The following SLC44A5 variants were observed in gnomAD, a reference collection of about 807,000 sequenced individuals.
SLC44A5 encodes the protein choline transporter-like protein 5.
In SLC44A5, 57 loss-of-function variants were observed where a neutral mutation model predicts 101.8. That is an observed-to-expected ratio of 0.56 (90% CI 0.45 to 0.70). The LOEUF is 0.70. Ranked by LOEUF, SLC44A5 falls within the 30% of genes least tolerant of loss-of-function variation. The probability of loss-of-function intolerance (pLI) is 0.00; values close to 1 mark genes in which losing one functional copy is unlikely to be tolerated. For missense variants in SLC44A5, 737 were observed against 853.1 expected, an observed-to-expected ratio of 0.86 and a Z score of 1.70; for synonymous variants, 281 against 290.9, an observed-to-expected ratio of 0.97 and a Z score of 0.35.
At chr1:75,397,020 G>A (rs1662168720) in intron 2 of SLC44A5, among the ~76,000 whole-genome samples, 1 of 152,132 alleles carries the variant, frequency 6.6e-6, no homozygotes, top group South Asian at 2.1e-4. Flanking sequence ...CATTAGTCAT[G>A]AAAAACTTAA....
At chr1:75,263,958 C>T (rs1048014201) in intron 6 of SLC44A5, among the ~76,000 whole-genome samples, 2 of 151,966 alleles carry the variant, frequency 1.3e-5, no homozygotes, top group Admixed American at 6.6e-5. Flanking sequence ...GGGAGGGGAA[C>T]ATCACACACT....
chr1:75,702,058 A>G, the SLC44A5 span, among the ~76,000 whole-genome samples: 1 of 152,200 alleles, frequency 6.6e-6, no homozygotes, highest in African/African-American at 2.4e-5. Context: ...GGAAGAATCA[A>G]TATTGTGAAA....
At chr1:75,208,139 A>G (rs964081671) in intron 23 of SLC44A5, among the ~76,000 whole-genome samples, 6 of 152,184 alleles carry the variant, frequency 3.9e-5, no homozygotes, top group Non-Finnish European at 8.8e-5. Flanking sequence ...GCTAAGATCT[A>G]CATAAGAACA....
At chr1:75,497,040 AT>A (rs1278622012) in intron 2 of SLC44A5, among the ~76,000 whole-genome samples, 1 of 152,122 alleles carries the variant, frequency 6.6e-6, no homozygotes. Flanking sequence ...TGAGAATGTA[AT>A]TTGATATAGT....
In SLC44A5 at chr1:75,259,904, C is replaced by T. The variant is rs556721411; in HGVS notation, c.261-8610G>A. The stretch of plus-strand genomic sequence containing the variant: ...CATTCTTAAAGAAAAGAATTTTCAA[C>T]CCAGAATTTCATATCCAGCCAAACT... On this transcript the variant is annotated intron_variant, in intron 6 of 23. Transcript: ENST00000370859. 7.9e-5 allele frequency among the ~76,000 whole-genome samples: 12 copies of T among 152,214 alleles called. 1 individual carries two copies. Among genetic ancestry groups the T allele is most frequent in the African/African-American group, 1.7e-4 (7 of 41,504 alleles).
At chr1:75,233,783 A>AT (rs1480351703) in intron 12 of SLC44A5, among the ~76,000 whole-genome samples, 1 of 152,134 alleles carries the variant, frequency 6.6e-6, no homozygotes. Context: ...TTCTGACAGC[A>AT]TTTTTTCCCC....
At chr1:75,358,130 T>G (rs948212858) in intron 3 of SLC44A5, among the ~76,000 whole-genome samples, 1 of 152,150 alleles carries the variant, frequency 6.6e-6, no homozygotes, top group Non-Finnish European at 1.5e-5. Context: ...ATTCATTGTT[T>G]AAGTACTAAA....
At chr1:75,336,183 T>C (rs1221903595) in intron 4 of SLC44A5, among the ~76,000 whole-genome samples, 1 of 152,028 alleles carries the variant, frequency 6.6e-6, no homozygotes, top group Admixed American at 6.6e-5. Flanking sequence ...TGAGACAGAG[T>C]CTTTCTCTGT....
chr1:75,350,087 C>A (rs767709630), intron 3 of SLC44A5, among the ~76,000 whole-genome samples: 1 of 152,074 alleles, frequency 6.6e-6, no homozygotes, highest in Non-Finnish European at 1.5e-5. Context: ...ACCGCGCCCC[C>A]CCCAACTCCA....
At chr1:75,627,568 A>C in the SLC44A5 span, among the ~76,000 whole-genome samples, 1 of 151,978 alleles carries the variant, frequency 6.6e-6, no homozygotes, top group Admixed American at 6.6e-5. Flanking sequence ...CTGTAGTCCC[A>C]GCTACTTAGA....
chr1:75,470,008 T>C (rs1345248479), intron 2 of SLC44A5, among the ~76,000 whole-genome samples: 4 of 151,816 alleles, frequency 2.6e-5, no homozygotes, highest in Non-Finnish European at 4.4e-5. Flanking sequence ...GCATATTTCC[T>C]AAGCTCCTAA....
At chr1:75,705,641 G>C in the SLC44A5 span, among the ~76,000 whole-genome samples, 1 of 151,980 alleles carries the variant, frequency 6.6e-6, no homozygotes, top group African/African-American at 2.4e-5. Flanking sequence ...AGTCTCGCTA[G>C]AGGTATATCT....
At chr1:75,205,027 A>C (rs888110971) in intron 23 of SLC44A5, 3 of 152,210 alleles carry the variant, frequency 2.0e-5, no homozygotes, top group African/African-American at 7.2e-5. Context: ...ATTATGCTTC[A>C]AGGAGAATAA....
At chr1:75,455,179 T>C (rs1234994555) in intron 2 of SLC44A5, among the ~76,000 whole-genome samples, 5 of 151,880 alleles carry the variant, frequency 3.3e-5, no homozygotes, top group African/African-American at 7.3e-5. Context: ...CATGGATCAA[T>C]AGAACAGAAT....
the SLC44A5 span, among the ~76,000 whole-genome samples, chr1:75,698,176 C>T: frequency 6.6e-6 from 1 of 152,226 alleles, no homozygotes. Flanking sequence ...CTGCCTGCCT[C>T]TGTAGGTTCC....
intron 3 of SLC44A5, among the ~76,000 whole-genome samples, chr1:75,366,814 C>G (rs1468194648): frequency 6.6e-6 from 1 of 151,990 alleles, no homozygotes; most frequent in African/African-American, 2.4e-5. Context: ...TGTTTATGCT[C>G]TCTATTAAAT....
intron 5 of SLC44A5, among the ~76,000 whole-genome samples, chr1:75,285,721 G>T (rs1299160534): frequency 6.6e-6 from 1 of 151,826 alleles, no homozygotes; most frequent in Middle Eastern, 3.2e-3. Flanking sequence ...TGATTTTATT[G>T]TTGACCCAAT....
chr1:75,435,290 C>T (rs561176633), intron 2 of SLC44A5, among the ~76,000 whole-genome samples: 65 of 152,192 alleles, frequency 4.3e-4, no homozygotes, highest in African/African-American at 1.4e-3. Context: ...TACGTTAATA[C>T]CTATTAACTA....
intron 5 of SLC44A5, among the ~76,000 whole-genome samples, chr1:75,289,759 G>A (rs1653378632): frequency 6.6e-6 from 1 of 152,130 alleles, no homozygotes; most frequent in Non-Finnish European, 1.5e-5. Flanking sequence ...GCATTGACTA[G>A]GGTAAATTTT....
Sources: gnomAD v4.1 joint callset for allele counts (sites outside exome capture counted in the v4.1 genomes callset) on GRCh38, gnomAD v4.1.1 for gene constraint, MANE v1.5 for transcripts, NCBI Gene and HGNC (gene_info 2026-07-23, HGNC 2026-07-21) for gene names.